The following CDH3 variants were observed in gnomAD, a reference collection of about 807,000 sequenced individuals.
CDH3 encodes the protein cadherin 3, also known as cadherin-3.
Under a neutral mutation model 82.0 loss-of-function variants are expected in CDH3, and 54 were observed. That is an observed-to-expected ratio of 0.66 (90% CI 0.53 to 0.83). The LOEUF (loss-of-function observed/expected upper bound fraction) is 0.83, where lower values mean the gene tolerates loss of function less well. CDH3 is among the 40% of genes least tolerant of loss of function. CDH3 has a pLI of 0.00. For synonymous variants in CDH3, 446 were observed against 437.9 expected, an observed-to-expected ratio of 1.02 and a Z score of -0.23; for missense variants, 1,054 against 1,084.6, an observed-to-expected ratio of 0.97 and a Z score of 0.40.
intron 9 of CDH3, 142 bp downstream of exon 9, chr16:68,682,629 T>C: frequency 1.3e-6 from 1 of 792,528 alleles, no homozygotes; most frequent in East Asian, 2.6e-5. Context: ...CTACCACTCT[T>C]GTGTTGGGAA....
intron 2 of CDH3, among the ~76,000 whole-genome samples, chr16:68,656,206 C>G (rs897727694): frequency 6.6e-6 from 1 of 151,852 alleles, no homozygotes; most frequent in Admixed American, 6.6e-5. Context: ...CCCAGTTGTA[C>G]CAGTATGGAG....
At chr16:68,654,946 G>A (rs2152091292) in intron 2 of CDH3, among the ~76,000 whole-genome samples, 1 of 152,172 alleles carries the variant, frequency 6.6e-6, no homozygotes, top group East Asian at 1.9e-4. Flanking sequence ...TGAGGTAGGA[G>A]AATTGCTTGA....
intron 2 of CDH3, among the ~76,000 whole-genome samples, chr16:68,669,575 G>T (rs528307357): frequency 2.5e-4 from 38 of 150,982 alleles, no homozygotes; most frequent in Non-Finnish European, 4.7e-4. Context: ...AGCAGATTTT[G>T]TAGACAGCGG....
chr16:68,701,797 G>C (rs1204102974), downstream of CDH3, among the ~76,000 whole-genome samples: 1 of 151,844 alleles, frequency 6.6e-6, no homozygotes, highest in Non-Finnish European at 1.5e-5. Context: ...AGGCTGAGGC[G>C]GGCGGATTAT....
chr16:68,656,402 C>A (rs771095760), intron 2 of CDH3, among the ~76,000 whole-genome samples: 28 of 152,154 alleles, frequency 1.8e-4, no homozygotes, highest in Admixed American at 1.5e-3. Context: ...GCATTGCCAA[C>A]CCAGGCAGCA....
rs755951462 is a variant in CDH3 at position 68,698,325 on chromosome 16, T to C, written c.2415T>C (p.Asp805=). The C allele has an allele frequency of 1.9e-6, 3 of 1,614,168 alleles. No individual in the cohort carries two copies. The South Asian group carries it at 3.3e-5, about 18-fold the overall frequency. ...CCTCCGCCTCCGACCAAGACCAAGA[T>C]TACGATTATCTGAACGAGTGGGGCA... ...LTSSASDQDQ[D]YDYLNEWGSR... Residue 805 remains aspartate (D), a synonymous_variant, in exon 16 of 16, where the codon GAT becomes GAC. Transcript: ENST00000264012.
chr16:68,658,196 C>T (rs1960459027), intron 2 of CDH3, among the ~76,000 whole-genome samples: 1 of 151,878 alleles, frequency 6.6e-6, no homozygotes, highest in Admixed American at 6.6e-5. Flanking sequence ...TCATTCCTGG[C>T]CCCCAGTCAT....
chr16:68,678,313 C>A, intron 4 of CDH3, 36 bp downstream of exon 4: 1 of 1,610,560 alleles, frequency 6.2e-7, no homozygotes, highest in Non-Finnish European at 8.5e-7. Flanking sequence ...GCATTGGTGG[C>A]TCCAGGGACC....
At chr16:68,679,099 A>G (rs1961129243) in intron 6 of CDH3, among the ~76,000 whole-genome samples, 193 bp downstream of exon 6, 1 of 152,162 alleles carries the variant, frequency 6.6e-6, no homozygotes, top group South Asian at 2.1e-4. Context: ...GAATCTGTAT[A>G]TTTGAAATTT....
chr16:68,646,570 C>G lies in CDH3; in HGVS notation c.160+820C>G, dbSNP rs148274676. Among the ~76,000 whole-genome samples, 846 of 150,982 alleles carry G rather than the reference C, an allele frequency of 5.6e-3. 7 individuals are homozygous for G. Among genetic ancestry groups the G allele is most frequent in the African/African-American group, 0.019 (767 of 41,372 alleles). Reference sequence around the variant, plus strand: ...GGCGGTGCAACGTTAGTGAGGAGAACCAGTGTGTTATGAGACCCAGGCGGT... The same window carrying G: ...GGCGGTGCAACGTTAGTGAGGAGAAGCAGTGTGTTATGAGACCCAGGCGGT... On this transcript the variant is annotated intron_variant, in intron 2 of 15. Transcript: ENST00000264012.
intron 9 of CDH3, among the ~76,000 whole-genome samples, chr16:68,683,534 C>G (rs1266075375): frequency 6.6e-6 from 1 of 151,154 alleles, no homozygotes; most frequent in Middle Eastern, 3.4e-3. Context: ...CGCCTGTAGT[C>G]CCAGCTACTT....
chr16:68,703,986 G>A (rs894773687), downstream of CDH3, among the ~76,000 whole-genome samples: 1 of 149,706 alleles, frequency 6.7e-6, no homozygotes, highest in African/African-American at 2.5e-5. Context: ...TAAAATGGGC[G>A]AGTAAAAGAG....
At position 68,678,164 on chromosome 16, in the gene CDH3, T is replaced by C. The variant is rs752129637; in HGVS notation, c.277T>C (p.Leu93=). 8 of 1,614,054 alleles carry C rather than the reference T, an allele frequency of 5.0e-6. No homozygotes were observed. The Admixed American group carries it at 8.3e-5, about 17-fold the overall frequency. Reference sequence around the variant, plus strand: ...AAGGTCACTGAAGGAAAGGAATCCATTGAAGATCTTCCCATCCAAACGTAT... The same window carrying C: ...AAGGTCACTGAAGGAAAGGAATCCACTGAAGATCTTCCCATCCAAACGTAT... ...ERRSLKERNP[L]KIFPSKRILR... The change falls in exon 4 of 16, where the codon TTG becomes CTG. Residue 93 remains leucine (L), a synonymous_variant. Coordinates refer to ENST00000264012, the MANE Select transcript of CDH3 (RefSeq NM_001793.6).
At chr16:68,650,073 G>A (rs1010683847) in intron 2 of CDH3, among the ~76,000 whole-genome samples, 1 of 151,830 alleles carries the variant, frequency 6.6e-6, no homozygotes, top group Non-Finnish European at 1.5e-5. Flanking sequence ...GTAGGGGGTA[G>A]TTAGCATGGA....
At chr16:68,667,176 A>C (rs1960755972) in intron 2 of CDH3, among the ~76,000 whole-genome samples, 1 of 152,138 alleles carries the variant, frequency 6.6e-6, no homozygotes, top group Admixed American at 6.6e-5. Flanking sequence ...AAAATGCCAG[A>C]ATCTTTCTTC....
chr16:68,718,597 G>A (rs549492224), intron 1 of CDH3, among the ~76,000 whole-genome samples: 142 of 152,104 alleles, frequency 9.3e-4, no homozygotes, highest in African/African-American at 3.3e-3. Flanking sequence ...CAACAAAATC[G>A]CTTGAACCCG....
chr16:68,701,328 CT>C (rs1313938857), downstream of CDH3, among the ~76,000 whole-genome samples: 1 of 152,108 alleles, frequency 6.6e-6, no homozygotes, highest in African/African-American at 2.4e-5. Context: ...TGCTTCTCAT[CT>C]GCAAAACAGA....
chr16:68,694,794 C>T (rs1343224109), intron 13 of CDH3, among the ~76,000 whole-genome samples: 4 of 152,146 alleles, frequency 2.6e-5, no homozygotes, highest in Admixed American at 2.6e-4. Flanking sequence ...CCCATCCCGA[C>T]ATCCCGACGA....
intron 2 of CDH3, among the ~76,000 whole-genome samples, chr16:68,675,468 G>A (rs530631538): frequency 1.2e-4 from 19 of 152,236 alleles, no homozygotes; most frequent in African/African-American, 4.3e-4. Flanking sequence ...TCTTGGAGTC[G>A]GGTAGACCTG....
Sources: allele counts gnomAD v4.1 joint callset (sites outside exome capture counted in the v4.1 genomes callset), GRCh38; gene constraint gnomAD v4.1.1; transcripts MANE v1.5; gene names NCBI Gene and HGNC (gene_info 2026-07-23, HGNC 2026-07-21).